Variants in CEMIP2 observed in about 807,000 individuals in gnomAD.
CEMIP2 encodes cell surface hyaluronidase CEMIP2.
Under a neutral mutation model 146.9 loss-of-function variants are expected in CEMIP2, and 79 were observed. That is an observed-to-expected ratio of 0.54 (90% confidence interval 0.45 to 0.65). The LOEUF is 0.65. CEMIP2 is among the 30% of genes least tolerant of loss of function. The pLI is 0.00. For missense variants in CEMIP2, 1,596 were observed against 1,696.2 expected (o/e 0.94, Z 1.04); for synonymous variants, 601 against 606.3 (o/e 0.99, Z 0.13).
chr9:71,699,824 G>A (rs1822508559), intron 19 of CEMIP2, among the ~76,000 whole-genome samples: 2 of 152,136 alleles, frequency 1.3e-5, no homozygotes, highest in Admixed American at 6.5e-5. Flanking sequence ...CTCTCAGGAT[G>A]TCACTGGTTA....
intron 12 of CEMIP2, among the ~76,000 whole-genome samples, chr9:71,718,366 A>C (rs868688188): frequency 6.6e-6 from 1 of 152,156 alleles, no homozygotes. Context: ...TTCCAAAAAA[A>C]CCCAGATCAG....
intron 5 of CEMIP2, among the ~76,000 whole-genome samples, chr9:71,735,684 G>A (rs1029350466): frequency 6.6e-6 from 1 of 152,168 alleles, no homozygotes; most frequent in Non-Finnish European, 1.5e-5. Context: ...TTGGGCAGCT[G>A]AGGTGGGAGG....
intron 22 of CEMIP2, 85 bp downstream of exon 22, chr9:71,690,007 A>C (rs1453136099): frequency 7.2e-6 from 11 of 1,520,560 alleles, no homozygotes; most frequent in Non-Finnish European, 9.8e-6. Context: ...AGAGTAAAAA[A>C]TCGGACTTGA....
At chr9:71,735,602 C>T (rs1294657222) in intron 5 of CEMIP2, among the ~76,000 whole-genome samples, 1 of 151,878 alleles carries the variant, frequency 6.6e-6, no homozygotes, top group Non-Finnish European at 1.5e-5. Context: ...GCCTGGGCAA[C>T]ATAGTGAGAC....
At chr9:71,709,539 A>AGTTGAGTC in intron 16 of CEMIP2, 65 bp from the exon 17 acceptor site, 1 of 1,364,248 alleles carries the variant, frequency 7.3e-7, no homozygotes, top group Non-Finnish European at 1.0e-6. Flanking sequence ...CATCCCCTGC[A>AGTTGAGTC]ATGACTCAAC....
intron 1 of CEMIP2, among the ~76,000 whole-genome samples, chr9:71,755,586 T>C (rs34974017): frequency 0.15 from 22,191 of 151,986 alleles, 1,752 homozygotes; most frequent in Admixed American, 0.19. Context: ...AGGAGAGGCA[T>C]GATTTTAATA....
chr9:71,687,417 C>T (rs749103483), intron 22 of CEMIP2: 3 of 151,764 alleles, frequency 2.0e-5, no homozygotes, highest in Non-Finnish European at 4.4e-5. Context: ...TATTCAACTT[C>T]TGTTGCATAT....
rs774566600 is a variant in CEMIP2, at chr9:71,698,150, A to C, written c.3432T>G (p.Cys1144Trp). Reference sequence around the variant, plus strand: ...TGACTCTTTCACATCCCTGAGATGAACAGTAACTGTGGCCATGCCTGTGGC... The same window carrying C: ...TGACTCTTTCACATCCCTGAGATGACCAGTAACTGTGGCCATGCCTGTGGC... ...AKSHRHGHSY[C>W]SSQGCERVKI... The change falls in exon 20 of 24, where the codon TGT (cysteine) becomes TGG (tryptophan). Residue 1144 changes from cysteine to tryptophan, a missense_variant. Coordinates refer to ENST00000377044, the MANE Select transcript of CEMIP2 (RefSeq NM_013390.3). 3.1e-6 allele frequency: 5 copies of C among 1,614,056 alleles called. No individual in the cohort carries two copies. In the African/African-American group the frequency reaches 6.7e-5, roughly 22 times the overall value.
At chr9:71,734,013 G>A (rs995114878) in intron 6 of CEMIP2, among the ~76,000 whole-genome samples, 2 of 151,850 alleles carry the variant, frequency 1.3e-5, no homozygotes, top group African/African-American at 4.8e-5. Flanking sequence ...CCTGGCTAAT[G>A]TTTTTTGTAT....
rs536414473 is a variant in CEMIP2, at chr9:71,746,423, G to C, written c.332-82C>G. ...AATCTAAGCACTACCATTATTTACT[G>C]CAGATCTGCAAAAAATGTGCTAACA... is the stretch of plus-strand genomic sequence containing the variant. On this transcript the variant is annotated intron_variant, in intron 2 of 23. Coordinates refer to ENST00000377044, the MANE Select transcript of CEMIP2 (RefSeq NM_013390.3). The C allele has an allele frequency of 2.0e-5, 30 of 1,512,740 alleles. No individual in the cohort carries two copies. The East Asian group carries it at 6.0e-4, about 30-fold the overall frequency. The allele number at this position is 1,512,740 out of a possible 1,614,324, so 93.7% of individuals were successfully genotyped here.
intron 23 of CEMIP2, 39 bp from the exon 24 acceptor site, chr9:71,685,432 A>G: frequency 7.0e-7 from 1 of 1,434,050 alleles, no homozygotes; most frequent in Non-Finnish European, 9.1e-7. Context: ...AAAAAAATCA[A>G]TTTTTATAGC....
At chr9:71,756,506 T>TCTCTCACA (rs1010879160) in intron 1 of CEMIP2, among the ~76,000 whole-genome samples, 91 of 112,544 alleles carry the variant, frequency 8.1e-4, no homozygotes, top group African/African-American at 2.1e-3. Flanking sequence ...TCTCTCTCTC[T>TCTCTCACA]CACACACACA....
chr9:71,707,421 G>GA (rs1274199596), intron 17 of CEMIP2, among the ~76,000 whole-genome samples: 1 of 151,914 alleles, frequency 6.6e-6, no homozygotes, highest in African/African-American at 2.4e-5. Context: ...AAATAAACCA[G>GA]AAAGTCTCTC....
rs1422668681 is a variant in CEMIP2, at chr9:71,745,410, C to T, written c.642G>A (p.Met214Ile). The change falls in exon 4 of 24, where the codon ATG (methionine) becomes ATA (isoleucine). Residue 214 changes from methionine to isoleucine, a missense_variant. Transcript: ENST00000377044. ...LYGKSDEGES[M>I]PTFGKKFIGV... ...CAATAAACTTTTTGCCAAATGTTGG[C>T]ATACTTTCACCTTCATCTGACTTGC... 1.2e-6 allele frequency: 2 copies of T among 1,614,128 alleles called. No individual in the cohort carries two copies. Among genetic ancestry groups the T allele is most frequent in the Non-Finnish European group, 1.7e-6 (2 of 1,180,014 alleles).
At chr9:71,707,998 A>G (rs1822800109) in intron 17 of CEMIP2, among the ~76,000 whole-genome samples, 2 of 152,142 alleles carry the variant, frequency 1.3e-5, no homozygotes, top group South Asian at 4.1e-4. Flanking sequence ...CATCCTGGCT[A>G]ACACGGTGAA....
intron 12 of CEMIP2, 123 bp from the exon 13 acceptor site, chr9:71,718,202 G>A: frequency 2.2e-6 from 2 of 916,806 alleles, no homozygotes; most frequent in East Asian, 5.6e-5. Context: ...AAATTCTTAA[G>A]ATACAACTTA....
At chr9:71,696,366 T>C (rs577698213) in intron 20 of CEMIP2, among the ~76,000 whole-genome samples, 1 of 152,140 alleles carries the variant, frequency 6.6e-6, no homozygotes, top group Non-Finnish European at 1.5e-5. Flanking sequence ...AGGGTTGTTT[T>C]TGTTGTTGTT....
At chr9:71,707,408 C>T (rs1004493137) in intron 17 of CEMIP2, among the ~76,000 whole-genome samples, 17 of 152,124 alleles carry the variant, frequency 1.1e-4, no homozygotes, top group African/African-American at 3.6e-4. Flanking sequence ...AATACCCCCA[C>T]TAAAATAAAC....
At chr9:71,746,619 A>AAC (rs4069916) in intron 2 of CEMIP2, among the ~76,000 whole-genome samples, 3 of 148,996 alleles carry the variant, frequency 2.0e-5, no homozygotes, top group Admixed American at 2.0e-4. Flanking sequence ...AAAAAAAAAA[A>AAC]GTTTCCCTGA....
Sources: gnomAD v4.1 joint callset for allele counts (sites outside exome capture counted in the v4.1 genomes callset) on GRCh38, gnomAD v4.1.1 for gene constraint, MANE v1.5 for transcripts, NCBI Gene and HGNC (gene_info 2026-07-23, HGNC 2026-07-21) for gene names.